SART3: variants seen among roughly 807,000 people sequenced by gnomAD.
SART3 encodes the protein HIV-1 Tat-interacting protein of 110kDa.
In SART3, 44 loss-of-function variants were observed where a neutral mutation model predicts 122.3. The observed-to-expected ratio is 0.36, with a 90% CI of 0.28 to 0.46. SART3 has a LOEUF of 0.46. Among genes scored for constraint, SART3 ranks in the 20% least tolerant of loss-of-function variants. The pLI is 1.00. For synonymous variants in SART3, 442 were observed against 454.0 expected (o/e 0.97, Z 0.34); for missense variants, 1,101 against 1,229.0 (o/e 0.90, Z 1.56).
chr12:108,530,595 G>A (rs989378707), intron 14 of SART3, among the ~76,000 whole-genome samples: 6 of 152,154 alleles, frequency 3.9e-5, no homozygotes, highest in African/African-American at 1.2e-4. Flanking sequence ...GGTGGCTCAC[G>A]CCTGTAATCC....
intron 1 of SART3, among the ~76,000 whole-genome samples, chr12:108,550,637 C>G (rs578066135): frequency 6.6e-6 from 1 of 152,172 alleles, no homozygotes; most frequent in Admixed American, 6.5e-5. Context: ...CCAAAGCGGG[C>G]AGATCATGAG....
rs752899761 is a variant in SART3, at chr12:108,560,974, C to G, written c.181G>C (p.Gly61Arg). The change falls in exon 1 of 19, where the codon GGC becomes CGC. Residue 61 changes from glycine (G) to arginine (R), a missense_variant. Around this residue, in one of 2 missense-constraint regions of SART3, gnomAD observed 216 missense variants for 148.9 expected, o/e 1.45. Coordinates refer to ENST00000546815, the MANE Select transcript of SART3 (RefSeq NM_014706.4). ...TCATCCCCATCGCTCTCGCTCACGC[C>G]TTCCTCCTGCTGATCCCACGCTGGC... ...MGPAWDQQEEGVSESDGDEYA... is the reference protein window; with the variant it reads ...MGPAWDQQEERVSESDGDEYA... 6.2e-7 allele frequency: 1 copy of G among 1,614,160 alleles called. No individual in the cohort carries two copies. The highest frequency in any genetic ancestry group is 8.5e-7 in the Non-Finnish European group (1 of 1,180,016).
rs554938948 is a variant in SART3, at chr12:108,524,595, G to A, written c.2524-89C>T. 4.7e-4 allele frequency: 591 copies of A among 1,257,706 alleles called. 2 individuals are homozygous for A. In the African/African-American group the frequency reaches 6.8e-3, roughly 14 times the overall value. The allele number at this position is 1,257,706 out of a possible 1,614,324, so 77.9% of individuals were successfully genotyped here. On this transcript the variant is annotated intron_variant, in intron 17 of 18. Coordinates refer to ENST00000546815, the MANE Select transcript of SART3 (RefSeq NM_014706.4). ...CAGGGCAGGCACTGGGCTTCCTCCC[G>A]GAGACCAGCAGACCAGGCCACAGCA...
chr12:108,526,757 C>T (rs374791406), intron 15 of SART3, among the ~76,000 whole-genome samples: 7 of 120,608 alleles, frequency 5.8e-5, no homozygotes, highest in African/African-American at 2.2e-4. Context: ...CAATTACACT[C>T]GGGTAAGTGG....
At chr12:108,524,916 CT>C in intron 17 of SART3, 1 of 321,146 alleles carries the variant, frequency 3.1e-6, no homozygotes, top group Non-Finnish European at 5.9e-6. Context: ...ATTTCATCCT[CT>C]TTTTCTCTCC....
intron 7 of SART3, 40 bp from the exon 8 acceptor site, chr12:108,538,243 T>C (rs1040210141): frequency 1.2e-6 from 2 of 1,610,624 alleles, no homozygotes; most frequent in African/African-American, 1.3e-5. Flanking sequence ...TTACACTTTA[T>C]TAAGCATTCA....
intron 3 of SART3, among the ~76,000 whole-genome samples, chr12:108,545,978 A>AAAC (rs1469108916): frequency 6.6e-6 from 1 of 151,666 alleles, no homozygotes; most frequent in Non-Finnish European, 1.5e-5. Flanking sequence ...AAAAAAAAAA[A>AAAC]AAAAAACACA....
chr12:108,553,377 G>A (rs978183884), intron 1 of SART3, among the ~76,000 whole-genome samples: 2 of 152,080 alleles, frequency 1.3e-5, no homozygotes, highest in African/African-American at 4.8e-5. Flanking sequence ...TGGGTAAAAA[G>A]TACACGAAAA....
chr12:108,536,005 C>G (rs1872887411), intron 11 of SART3, among the ~76,000 whole-genome samples: 1 of 152,194 alleles, frequency 6.6e-6, no homozygotes, highest in African/African-American at 2.4e-5. Context: ...TTGTTACAAT[C>G]CTACCTGCTG....
chr12:108,533,234 A>G (rs962765124), intron 12 of SART3, among the ~76,000 whole-genome samples: 3 of 152,110 alleles, frequency 2.0e-5, no homozygotes, highest in African/African-American at 7.2e-5. Flanking sequence ...ACATTACTGG[A>G]CTTTTTCACT....
chr12:108,524,284 A>C (rs1449113559), intron 18 of SART3, 32 bp downstream of exon 18: 1 of 1,587,854 alleles, frequency 6.3e-7, no homozygotes, highest in South Asian at 1.1e-5. Context: ...GCCAGGACGA[A>C]GTTTGCACTA....
At chr12:108,532,503 C>A in intron 12 of SART3, 169 bp from the exon 13 acceptor site, 1 of 615,828 alleles carries the variant, frequency 1.6e-6, no homozygotes, top group South Asian at 1.8e-5. Context: ...AGAGTCTCTA[C>A]AGTCACCTAC....
At chr12:108,553,059 G>A (rs111552449) in intron 1 of SART3, among the ~76,000 whole-genome samples, 1 of 151,930 alleles carries the variant, frequency 6.6e-6, no homozygotes, top group Non-Finnish European at 1.5e-5. Flanking sequence ...TTTGACAAAC[G>A]CAATGCAACA....
rs370724400 is a variant in SART3 at position 108,524,287 on chromosome 12, T to C, written c.2714+29A>G. Reference sequence around the variant, plus strand: ...GAACTGGTGCCAGCCAGGACGAAGTTTGCACTAGTCTACCATGCAAGCACT... The same window carrying C: ...GAACTGGTGCCAGCCAGGACGAAGTCTGCACTAGTCTACCATGCAAGCACT... On this transcript the variant is annotated intron_variant, in intron 18 of 18. Transcript: ENST00000546815. 1.3e-5 allele frequency: 21 copies of C among 1,598,136 alleles called. No homozygotes were observed. In the African/African-American group the frequency reaches 2.3e-4, roughly 17 times the overall value.
intron 15 of SART3, among the ~76,000 whole-genome samples, chr12:108,529,297 G>A (rs562376500): frequency 2.6e-5 from 4 of 151,518 alleles, no homozygotes; most frequent in Admixed American, 6.6e-5. Context: ...ACATGCACAC[G>A]CACACGCACA....
At chr12:108,543,227 G>A (rs905968977) in intron 5 of SART3, 75 bp from the exon 6 acceptor site, 3 of 1,567,214 alleles carry the variant, frequency 1.9e-6, no homozygotes, top group African/African-American at 2.7e-5. Flanking sequence ...TAAGCCATGA[G>A]ACTCAGGTGC....
At chr12:108,539,959 A>G (rs1278443698) in intron 6 of SART3, among the ~76,000 whole-genome samples, 1 of 152,232 alleles carries the variant, frequency 6.6e-6, no homozygotes, top group African/African-American at 2.4e-5. Flanking sequence ...GACAAAATCT[A>G]AATGAGGGTG....
chr12:108,529,510 G>C (rs995871502), intron 15 of SART3, among the ~76,000 whole-genome samples: 1 of 152,168 alleles, frequency 6.6e-6, no homozygotes, highest in Non-Finnish European at 1.5e-5. Flanking sequence ...AAAGAACAAG[G>C]GGACAGGTCA....
intron 17 of SART3, chr12:108,524,712 T>G (rs1872287605): frequency 1.6e-6 from 1 of 608,930 alleles, no homozygotes; most frequent in African/African-American, 1.8e-5. Flanking sequence ...AGTGCTGCTA[T>G]GCACTGTAAC....
Sources: gnomAD v4.1 joint callset for allele counts (sites outside exome capture counted in the v4.1 genomes callset) on GRCh38, gnomAD v4.1.1 for gene constraint, gnomAD v4.1.1 regional missense constraint, MANE v1.5 for transcripts, NCBI Gene and HGNC (gene_info 2026-07-23, HGNC 2026-07-21) for gene names.